Variants in ZNF804A observed in about 807,000 individuals in gnomAD.
ZNF804A encodes zinc finger protein 804A.
ZNF804A carries 2 observed loss-of-function variants against 16.5 expected under a neutral mutation model. That is an observed-to-expected ratio of 0.12 (90% CI 0.05 to 0.38). The LOEUF (loss-of-function observed/expected upper bound fraction) is 0.38. Ranked by LOEUF, ZNF804A falls within the 10% of genes least tolerant of loss-of-function variation. The probability of loss-of-function intolerance (pLI) is 0.99; values close to 1 mark genes in which losing one functional copy is unlikely to be tolerated. For missense variants in ZNF804A, 1,473 were observed against 1,390.7 expected, an observed-to-expected ratio of 1.06 and a Z score of -0.94; for synonymous variants, 534 against 489.6, an observed-to-expected ratio of 1.09 and a Z score of -1.20.
intron 2 of ZNF804A, among the ~76,000 whole-genome samples, chr2:184,929,948 C>A (rs1251893418): frequency 6.6e-6 from 1 of 152,110 alleles, no homozygotes. Flanking sequence ...TAAGAATAAT[C>A]CAACCAGTGA....
rs1469103268 is a variant in ZNF804A, at chr2:184,714,267, A to G, written c.111+115197A>G. On this transcript the variant is annotated intron_variant, in intron 1 of 3. Transcript: ENST00000302277. ...CTTTCTGTTCATCTTACTCCCTCTG[A>G]CAATCCCAAATCAGCAGAAACAAAT... 5.9e-5 allele frequency among the ~76,000 whole-genome samples: 9 copies of G among 152,018 alleles called. No homozygotes were observed. In the East Asian group the frequency reaches 1.5e-3, roughly 26 times the overall value.
chr2:184,843,500 C>T (rs989853465), intron 1 of ZNF804A, among the ~76,000 whole-genome samples: 1 of 152,030 alleles, frequency 6.6e-6, no homozygotes, highest in Non-Finnish European at 1.5e-5. Flanking sequence ...TCTCAAACTC[C>T]TGACCTCAGG....
chr2:184,696,984 G>A (rs1274138298), intron 1 of ZNF804A, among the ~76,000 whole-genome samples: 1 of 151,650 alleles, frequency 6.6e-6, no homozygotes, highest in Admixed American at 6.6e-5. Flanking sequence ...TTATATTTTA[G>A]GTTATTATTA....
intron 1 of ZNF804A, among the ~76,000 whole-genome samples, chr2:184,628,810 A>G (rs962808421): frequency 6.6e-6 from 1 of 152,158 alleles, no homozygotes; most frequent in Non-Finnish European, 1.5e-5. Flanking sequence ...TGCACATTCA[A>G]ATTTATCAAG....
chr2:184,627,843 T>C (rs537491816), intron 1 of ZNF804A, among the ~76,000 whole-genome samples: 1 of 152,272 alleles, frequency 6.6e-6, no homozygotes, highest in South Asian at 2.1e-4. Context: ...ATCTAGGGAT[T>C]CTGAACTCAT....
chr2:184,936,728 G>C lies in ZNF804A; in HGVS notation c.1332G>C (p.Leu444=). ...TTCTTCAGTGGCCATCAGAAATGCT[G>C]GTTTATACAACTACGAAACCATCAA... ...STVLQWPSEM[L]VYTTTKPSIS... The change falls in exon 4 of 4, where the codon CTG becomes CTC. Residue 444 remains leucine (L), a synonymous_variant. Transcript: ENST00000302277. 1 of 1,613,734 alleles carries C rather than the reference G, an allele frequency of 6.2e-7. No homozygotes were observed. Among genetic ancestry groups the C allele is most frequent in the Non-Finnish European group, 8.5e-7 (1 of 1,179,878 alleles).
intron 1 of ZNF804A, among the ~76,000 whole-genome samples, chr2:184,663,574 C>T (rs1243790041): frequency 1.3e-5 from 2 of 152,060 alleles, no homozygotes; most frequent in Non-Finnish European, 1.5e-5. Context: ...AGGTGGGTTC[C>T]TGGTGAAGCC....
At chr2:184,703,552 T>C (rs1449644934) in intron 1 of ZNF804A, among the ~76,000 whole-genome samples, 1 of 150,756 alleles carries the variant, frequency 6.6e-6, no homozygotes, top group Non-Finnish European at 1.5e-5. Flanking sequence ...TAGCCGGGCG[T>C]GGTGGCGGGC....
chr2:184,735,116 T>C (rs888659137), intron 1 of ZNF804A, among the ~76,000 whole-genome samples: 1 of 152,164 alleles, frequency 6.6e-6, no homozygotes, highest in Non-Finnish European at 1.5e-5. Flanking sequence ...TCTCTAATAA[T>C]GTTTGTCTCT....
intron 1 of ZNF804A, among the ~76,000 whole-genome samples, chr2:184,865,214 G>A (rs1173754783): frequency 1.3e-5 from 2 of 151,954 alleles, no homozygotes; most frequent in African/African-American, 4.8e-5. Context: ...TTGTATATAA[G>A]ATAATCTGGA....
intron 1 of ZNF804A, among the ~76,000 whole-genome samples, chr2:184,685,383 C>G (rs376283758): frequency 8.6e-5 from 13 of 151,982 alleles, no homozygotes; most frequent in East Asian, 5.8e-4. Flanking sequence ...CTCTTCTCTC[C>G]TTCTTGTTAT....
chr2:184,724,591 T>C (rs1045171489), intron 1 of ZNF804A, among the ~76,000 whole-genome samples: 5 of 151,694 alleles, frequency 3.3e-5, no homozygotes, highest in African/African-American at 1.2e-4. Flanking sequence ...GAGGGAATAT[T>C]AGTCACTGAA....
At chr2:184,705,586 A>C (rs965487643) in intron 1 of ZNF804A, among the ~76,000 whole-genome samples, 1 of 152,190 alleles carries the variant, frequency 6.6e-6, no homozygotes, top group African/African-American at 2.4e-5. Context: ...AGGAGATGAC[A>C]GTTCTCTGAA....
At chr2:184,635,723 T>C (rs1336576247) in intron 1 of ZNF804A, among the ~76,000 whole-genome samples, 2 of 152,194 alleles carry the variant, frequency 1.3e-5, no homozygotes, top group Non-Finnish European at 2.9e-5. Flanking sequence ...TGTTGGGAAC[T>C]ATCTCACACA....
chr2:184,892,807 T>C (rs1411428362), intron 2 of ZNF804A, among the ~76,000 whole-genome samples: 1 of 152,174 alleles, frequency 6.6e-6, no homozygotes, highest in Admixed American at 6.5e-5. Context: ...AAAGCAAATA[T>C]ACACACAAAC....
At chr2:184,739,820 T>G (rs1377921427) in intron 1 of ZNF804A, among the ~76,000 whole-genome samples, 1 of 152,228 alleles carries the variant, frequency 6.6e-6, no homozygotes, top group African/African-American at 2.4e-5. Flanking sequence ...TTAGCCTTTT[T>G]GTCTCTGCCT....
intron 2 of ZNF804A, among the ~76,000 whole-genome samples, chr2:184,896,172 C>A (rs745440288): frequency 4.6e-5 from 7 of 152,124 alleles, no homozygotes; most frequent in Non-Finnish European, 8.8e-5. Flanking sequence ...TAGTATCAAT[C>A]ACCCCTAATA....
At chr2:184,688,640 T>C (rs887470138) in intron 1 of ZNF804A, among the ~76,000 whole-genome samples, 7 of 152,134 alleles carry the variant, frequency 4.6e-5, no homozygotes, top group Admixed American at 1.3e-4. Context: ...ATTTTTAATG[T>C]TTACTTGACA....
Position 184,651,950 on chromosome 2 carries a change from A to G in ZNF804A, c.111+52880A>G, listed in dbSNP as rs990590576. 1.4e-4 allele frequency among the ~76,000 whole-genome samples: 22 copies of G among 152,288 alleles called. 1 individual carries two copies. The highest frequency in any genetic ancestry group is 4.1e-4 in the African/African-American group (17 of 41,566). On this transcript the variant is annotated intron_variant, in intron 1 of 3. Coordinates refer to ENST00000302277, the MANE Select transcript of ZNF804A (RefSeq NM_194250.2). ...CAATCTCATTACTGGATGTATATCCAAAAGAAAAGTTGTTCTGAAAAAAAG... is the reference window on the plus strand; with the variant it reads ...CAATCTCATTACTGGATGTATATCCGAAAGAAAAGTTGTTCTGAAAAAAAG...
Sources: allele counts gnomAD v4.1 joint callset (sites outside exome capture counted in the v4.1 genomes callset), GRCh38; gene constraint gnomAD v4.1.1; transcripts MANE v1.5; gene names NCBI Gene and HGNC (gene_info 2026-07-23, HGNC 2026-07-21).